Variants in DPYD observed in about 807,000 individuals in gnomAD.
DPYD encodes dihydropyrimidine dehydrogenase [NADP(+)].
DPYD carries 109 observed loss-of-function variants against 116.2 expected under a neutral mutation model. That is an observed-to-expected ratio of 0.94 (90% CI 0.80 to 1.10). The LOEUF (loss-of-function observed/expected upper bound fraction) is 1.10. DPYD is among the 50% of genes least tolerant of loss of function. DPYD has a pLI of 0.00. For missense variants in DPYD, 1,302 were observed against 1,254.5 expected (o/e 1.04, Z -0.57); for synonymous variants, 440 against 432.0 (o/e 1.02, Z -0.23).
intron 18 of DPYD, among the ~76,000 whole-genome samples, chr1:97,285,238 T>C (rs1665587924): frequency 6.6e-6 from 1 of 152,170 alleles, no homozygotes; most frequent in African/African-American, 2.4e-5. Flanking sequence ...TTCTGAAAAT[T>C]AGACCTCTTA....
chr1:97,882,838 T>C (rs1439984185), intron 2 of DPYD, among the ~76,000 whole-genome samples: 1 of 152,078 alleles, frequency 6.6e-6, no homozygotes, highest in Non-Finnish European at 1.5e-5. Flanking sequence ...AGTGTATCTA[T>C]AGCTTTCTTC....
chr1:97,538,663 T>A (rs561047428), intron 12 of DPYD, among the ~76,000 whole-genome samples: 1 of 152,346 alleles, frequency 6.6e-6, no homozygotes, highest in African/African-American at 2.4e-5. Context: ...CTGAGTAGAA[T>A]CACAGTAACT....
At chr1:97,430,928 T>C (rs1177105163) in intron 14 of DPYD, among the ~76,000 whole-genome samples, 2 of 151,832 alleles carry the variant, frequency 1.3e-5, no homozygotes, top group Non-Finnish European at 2.9e-5. Flanking sequence ...GAGCCTGAGT[T>C]CAGAAGGAAA....
rs148846281 is a variant in DPYD, at chr1:97,261,943, C to T, written c.2300-26949G>A. Among the ~76,000 whole-genome samples the T allele has an allele frequency of 7.9e-3, 1,199 of 152,084 alleles. 9 individuals carry two copies. The highest frequency in any genetic ancestry group is 0.012 in the Non-Finnish European group (838 of 67,940). On this transcript the variant is annotated intron_variant, in intron 18 of 22. Transcript: ENST00000370192. The stretch of plus-strand genomic sequence containing the variant: ...GAAAATATCATAATTATTCACACCT[C>T]TGTGTGATTTCTCCTGCTATTCCTA...
At chr1:97,819,403 C>A (rs1216951211) in intron 3 of DPYD, among the ~76,000 whole-genome samples, 1 of 151,760 alleles carries the variant, frequency 6.6e-6, no homozygotes, top group African/African-American at 2.4e-5. Context: ...TTAAAATATA[C>A]CCTTATACAT....
chr1:97,551,994 A>C lies in DPYD; in HGVS notation c.1340-2250T>G, dbSNP rs543388683. On this transcript the variant is annotated intron_variant, in intron 11 of 22. Transcript: ENST00000370192. ...AAGGATATGTGTAGATTATATGCAAATAATACACTATTTTCTATAACAGAC... is the reference window on the plus strand; with the variant it reads ...AAGGATATGTGTAGATTATATGCAACTAATACACTATTTTCTATAACAGAC... 8.5e-4 allele frequency among the ~76,000 whole-genome samples: 130 copies of C among 152,048 alleles called. 1 individual carries two copies. The highest frequency in any genetic ancestry group is 1.8e-3 in the Non-Finnish European group (120 of 67,920).
At chr1:97,753,475 C>A (rs534886922) in intron 3 of DPYD, among the ~76,000 whole-genome samples, 1 of 152,154 alleles carries the variant, frequency 6.6e-6, no homozygotes, top group Non-Finnish European at 1.5e-5. Context: ...CTGTGGGGAT[C>A]ATCATTTCAT....
At chr1:97,841,917 A>G (rs932930312) in intron 2 of DPYD, among the ~76,000 whole-genome samples, 1 of 151,956 alleles carries the variant, frequency 6.6e-6, no homozygotes, top group Admixed American at 6.5e-5. Context: ...AAGGGCTTAA[A>G]CAGAGTCTGA....
chr1:97,553,957 T>A (rs1335510815), intron 11 of DPYD, among the ~76,000 whole-genome samples: 1 of 150,992 alleles, frequency 6.6e-6, no homozygotes, highest in Non-Finnish European at 1.5e-5. Flanking sequence ...TTATGTTAAT[T>A]TTCTGCTTTA....
chr1:97,493,354 A>G (rs555346004), intron 13 of DPYD, among the ~76,000 whole-genome samples: 2 of 152,332 alleles, frequency 1.3e-5, no homozygotes, highest in Admixed American at 1.3e-4. Flanking sequence ...CCATGAAGGA[A>G]GCCATGGAAA....
chr1:97,220,378 G>A (rs542258223), intron 19 of DPYD, among the ~76,000 whole-genome samples: 1 of 152,176 alleles, frequency 6.6e-6, no homozygotes, highest in South Asian at 2.1e-4. Context: ...CTCAACCTTG[G>A]ACCTCTCAGC....
chr1:97,732,441 C>T (rs1249782746), intron 4 of DPYD, among the ~76,000 whole-genome samples: 2 of 147,182 alleles, frequency 1.4e-5, no homozygotes, highest in African/African-American at 5.1e-5. Flanking sequence ...TGCCACTGCA[C>T]TCCAGTCTGG....
chr1:97,359,201 G>T (rs1670586299), intron 16 of DPYD, among the ~76,000 whole-genome samples: 1 of 152,124 alleles, frequency 6.6e-6, no homozygotes, highest in African/African-American at 2.4e-5. Flanking sequence ...TCAAGTGGAA[G>T]AAAGGGTATC....
At chr1:97,224,247 C>T (rs932918493) in intron 19 of DPYD, among the ~76,000 whole-genome samples, 9 of 151,972 alleles carry the variant, frequency 5.9e-5, no homozygotes, top group African/African-American at 1.4e-4. Context: ...TTCTAGGCCA[C>T]GGTGTTACAT....
intron 8 of DPYD, among the ~76,000 whole-genome samples, chr1:97,665,268 T>C (rs571636329): frequency 1.3e-5 from 2 of 152,268 alleles, no homozygotes. Context: ...CCAGAGTGGT[T>C]TGCTTTAGAA....
chr1:97,738,003 C>T (rs1308115763), intron 4 of DPYD, among the ~76,000 whole-genome samples: 2 of 152,064 alleles, frequency 1.3e-5, no homozygotes, highest in Non-Finnish European at 2.9e-5. Flanking sequence ...AAAAGCCACA[C>T]TAATCTGATT....
Position 97,376,887 on chromosome 1 carries a change from G to GTGTGTGTGTGTGTGTGTATATA in DPYD, c.1975-3244_1975-3243insTATATACACACACACACACACA. On this transcript the variant is annotated intron_variant, in intron 15 of 22. Coordinates refer to ENST00000370192, the MANE Select transcript of DPYD (RefSeq NM_000110.4). ...AGTTTGTGTGTGTGTGTGTGTGTGT[G>GTGTGTGTGTGTGTGTGTATATA]TATATATATATATATGGTGTGGACT... is the stretch of plus-strand genomic sequence containing the variant. Among the ~76,000 whole-genome samples the GTGTGTGTGTGTGTGTGTATATA allele has an allele frequency of 2.4e-3, 312 of 128,430 alleles. 1 individual carries two copies. The highest frequency in any genetic ancestry group is 8.7e-3 in the African/African-American group (304 of 35,062). The allele number at this position is 128,430 out of a possible 152,430, so 84.3% of individuals were successfully genotyped here.
At chr1:97,168,775 A>G (rs1656502814) in intron 20 of DPYD, among the ~76,000 whole-genome samples, 1 of 152,100 alleles carries the variant, frequency 6.6e-6, no homozygotes, top group Admixed American at 6.6e-5. Flanking sequence ...ATAAAAATGA[A>G]TTTAACGTGA....
intron 19 of DPYD, among the ~76,000 whole-genome samples, chr1:97,203,659 C>A (rs1659371249): frequency 1.2e-5 from 1 of 86,566 alleles, no homozygotes; most frequent in Non-Finnish European, 2.1e-5. Flanking sequence ...AGGATGAGTT[C>A]AGACCCCCCC....
Sources: gnomAD v4.1 joint callset for allele counts (sites outside exome capture counted in the v4.1 genomes callset) on GRCh38, gnomAD v4.1.1 for gene constraint, MANE v1.5 for transcripts, NCBI Gene and HGNC (gene_info 2026-07-23, HGNC 2026-07-21) for gene names.